Variants in MYOZ2 observed in about 807,000 individuals in gnomAD.
The protein encoded by MYOZ2 is myozenin-2.
MYOZ2 carries 19 observed loss-of-function variants against 25.4 expected under a neutral mutation model. That is an observed-to-expected ratio of 0.75 (90% CI 0.52 to 1.10). The LOEUF (loss-of-function observed/expected upper bound fraction) is 1.10. Among genes scored for constraint, MYOZ2 ranks in the 50% least tolerant of loss-of-function variants. The pLI, the probability that MYOZ2 is intolerant of heterozygous loss-of-function variation, is 0.00. For synonymous variants in MYOZ2, 92 were observed against 106.9 expected (o/e 0.86, Z 0.86); for missense variants, 270 against 317.9 (o/e 0.85, Z 1.15).
At chr4:119,185,342 T>G (rs1458421239) in intron 5 of MYOZ2, among the ~76,000 whole-genome samples, 1 of 151,818 alleles carries the variant, frequency 6.6e-6, no homozygotes, top group African/African-American at 2.4e-5. Flanking sequence ...TTTAGACAGG[T>G]TTCACTCTGT....
intron 2 of MYOZ2, among the ~76,000 whole-genome samples, chr4:119,137,660 T>C (rs1741062376): frequency 6.6e-6 from 1 of 152,202 alleles, no homozygotes; most frequent in South Asian, 2.1e-4. Flanking sequence ...TTTTCTGCAA[T>C]ACAGAACCAC....
chr4:119,162,531 G>A (rs187873126), intron 4 of MYOZ2, among the ~76,000 whole-genome samples: 34 of 152,210 alleles, frequency 2.2e-4, no homozygotes, highest in Non-Finnish European at 4.3e-4. Flanking sequence ...AATGTAAAGA[G>A]AATTTTTTAG....
At chr4:119,178,662 A>G (rs1742127888) in intron 5 of MYOZ2, among the ~76,000 whole-genome samples, 1 of 152,132 alleles carries the variant, frequency 6.6e-6, no homozygotes, top group African/African-American at 2.4e-5. Context: ...GCTGGAGTGC[A>G]GTGGTGCAAT....
intron 3 of MYOZ2, among the ~76,000 whole-genome samples, chr4:119,154,870 C>T (rs560433123): frequency 7.8e-5 from 10 of 128,460 alleles, no homozygotes; most frequent in South Asian, 7.6e-4. Flanking sequence ...CACACACACA[C>T]GCACACACAC....
intron 5 of MYOZ2, among the ~76,000 whole-genome samples, chr4:119,184,636 T>C (rs1742255971): frequency 6.6e-6 from 1 of 152,240 alleles, no homozygotes; most frequent in South Asian, 2.1e-4. Context: ...CACTAGAATG[T>C]AAGAACTAAG....
In MYOZ2 at chr4:119,186,147, A is replaced by G. The variant is rs1742289367; in HGVS notation, c.742A>G (p.Ile248Val). Residue 248 changes from isoleucine (I) to valine (V), a missense_variant, in exon 6 of 6, where the codon ATA becomes GTA. Physicochemically the swap from Ile to Val is conservative, Grantham distance 29. Transcript: ENST00000307128. ...GWISENIPIV[I>V]TTEPTDDTTV... The stretch of plus-strand genomic sequence containing the variant: ...GATATCTGAGAATATTCCTATAGTG[A>G]TAACAACCGAACCTACAGATGATAC... 6.2e-7 allele frequency: 1 copy of G among 1,614,022 alleles called. No homozygotes were observed.
intron 5 of MYOZ2, among the ~76,000 whole-genome samples, chr4:119,181,722 A>C (rs180891062): frequency 2.5e-4 from 38 of 152,348 alleles, no homozygotes; most frequent in African/African-American, 7.5e-4. Context: ...TGAGGAGTAT[A>C]TATGTATTAA....
intron 5 of MYOZ2, among the ~76,000 whole-genome samples, chr4:119,174,387 A>G (rs1174172995): frequency 1.3e-5 from 2 of 151,954 alleles, no homozygotes; most frequent in Admixed American, 6.5e-5. Context: ...TTGTGAATGC[A>G]CCAATGGACA....
At chr4:119,180,930 C>A (rs1297698660) in intron 5 of MYOZ2, among the ~76,000 whole-genome samples, 1 of 152,084 alleles carries the variant, frequency 6.6e-6, no homozygotes, top group Non-Finnish European at 1.5e-5. Flanking sequence ...GTTATTTATC[C>A]AAAAGTTATC....
intron 5 of MYOZ2, among the ~76,000 whole-genome samples, chr4:119,176,479 T>A (rs1442868265): frequency 1.3e-5 from 2 of 152,176 alleles, no homozygotes; most frequent in East Asian, 3.9e-4. Flanking sequence ...CACTTCGGCC[T>A]CCGAAAGTAC....
chr4:119,145,587 TG>T (rs1481997764), intron 2 of MYOZ2, among the ~76,000 whole-genome samples: 6 of 151,586 alleles, frequency 4.0e-5, no homozygotes, highest in Non-Finnish European at 8.8e-5. Context: ...TTGCTCAGGC[TG>T]GTCTTGAACT....
intron 2 of MYOZ2, among the ~76,000 whole-genome samples, chr4:119,141,167 G>GCC (rs1286223241): frequency 1.3e-5 from 2 of 152,146 alleles, no homozygotes; most frequent in Non-Finnish European, 2.9e-5. Context: ...TAATCAATAA[G>GCC]CCCACCCTAA....
intron 5 of MYOZ2, among the ~76,000 whole-genome samples, chr4:119,177,730 C>T (rs988646521): frequency 1.3e-5 from 2 of 152,130 alleles, no homozygotes; most frequent in Non-Finnish European, 2.9e-5. Context: ...TAAAGTCAGC[C>T]TCTCTAATTG....
intron 2 of MYOZ2, among the ~76,000 whole-genome samples, chr4:119,140,786 A>T (rs1226916482): frequency 6.6e-6 from 1 of 152,204 alleles, no homozygotes; most frequent in African/African-American, 2.4e-5. Flanking sequence ...TACATTGGTA[A>T]TGTCATTTTT....
At chr4:119,155,814 A>G (rs1341053692) in intron 3 of MYOZ2, among the ~76,000 whole-genome samples, 1 of 152,190 alleles carries the variant, frequency 6.6e-6, no homozygotes, top group Non-Finnish European at 1.5e-5. Flanking sequence ...AACAGAAGAT[A>G]GATGATGACA....
chr4:119,172,213 G>T (rs889383820), intron 5 of MYOZ2, among the ~76,000 whole-genome samples: 1 of 152,170 alleles, frequency 6.6e-6, no homozygotes, highest in Non-Finnish European at 1.5e-5. Context: ...CCCCCCAAAG[G>T]GTTCTCCTTG....
At chr4:119,141,345 A>G (rs1367006509) in intron 2 of MYOZ2, among the ~76,000 whole-genome samples, 3 of 152,168 alleles carry the variant, frequency 2.0e-5, no homozygotes, top group Non-Finnish European at 2.9e-5. Flanking sequence ...AAATGACACC[A>G]ATAAGAAAGT....
Position 119,140,518 on chromosome 4 carries a change from T to C in MYOZ2, c.76+3917T>C, listed in dbSNP as rs188585992. On this transcript the variant is annotated intron_variant, in intron 2 of 5. Transcript: ENST00000307128. ...AAGAGCTAGAAAGGTTTGCATGTTT[T>C]ATTTTGAAAACTGGTGTGCAGTCAT... Among the ~76,000 whole-genome samples, 3 of 152,352 alleles carry C rather than the reference T, an allele frequency of 2.0e-5. No homozygotes were observed. In the East Asian group the frequency reaches 5.8e-4, roughly 29 times the overall value.
At chr4:119,163,695 C>T (rs986473033) in intron 4 of MYOZ2, among the ~76,000 whole-genome samples, 2 of 152,134 alleles carry the variant, frequency 1.3e-5, no homozygotes, top group African/African-American at 4.8e-5. Flanking sequence ...ACTTCATCTT[C>T]TTGAAGCTCA....
Sources: allele counts gnomAD v4.1 joint callset (sites outside exome capture counted in the v4.1 genomes callset), GRCh38; gene constraint gnomAD v4.1.1; transcripts MANE v1.5; gene names NCBI Gene and HGNC (gene_info 2026-07-23, HGNC 2026-07-21).